Variants in MADCAM1 observed in about 807,000 individuals in gnomAD.
MADCAM1 encodes the protein mucosal addressin cell adhesion molecule 1.
MADCAM1 carries 19 observed loss-of-function variants against 26.1 expected under a neutral mutation model. That is an observed-to-expected ratio of 0.73 (90% CI 0.51 to 1.07). MADCAM1 has a LOEUF of 1.07. Ranked by LOEUF, MADCAM1 falls within the 50% of genes least tolerant of loss-of-function variation. The probability of loss-of-function intolerance (pLI) is 0.00; values close to 1 mark genes in which losing one functional copy is unlikely to be tolerated. For synonymous variants in MADCAM1, 268 were observed against 260.9 expected (o/e 1.03, Z -0.26); for missense variants, 514 against 542.1 (o/e 0.95, Z 0.51).
rs1978293785 is a variant in MADCAM1 at position 498,008 on chromosome 19, C to T, written c.228C>T (p.Arg76=). 6.6e-7 allele frequency: 1 copy of T among 1,504,890 alleles called. No individual in the cohort carries two copies. Among genetic ancestry groups the T allele is most frequent in the Non-Finnish European group, 8.8e-7 (1 of 1,132,970 alleles). The allele number at this position is 1,504,890 out of a possible 1,614,324, so 93.2% of individuals were successfully genotyped here. A position where few individuals can be genotyped will look rare whatever the true frequency, so the allele number is the denominator to read the frequency against. Residue 76 remains arginine (R), a synonymous_variant, in exon 2 of 5, where the codon CGC becomes CGT. Coordinates refer to ENST00000215637, the MANE Select transcript of MADCAM1 (RefSeq NM_130760.3). ...GCGCGGTGCAGTCGGACACGGGCCG[C>T]AGCGTCCTCACCGTGCGCAACGCCT... is the stretch of plus-strand genomic sequence containing the variant. ...SLGAVQSDTG[R]SVLTVRNASL...
At chr19:500,387 G>T (rs1978315359) in intron 3 of MADCAM1, among the ~76,000 whole-genome samples, 1 of 152,208 alleles carries the variant, frequency 6.6e-6, no homozygotes, top group Admixed American at 6.5e-5. Flanking sequence ...GGACTTCCCT[G>T]ACTGTGGGTC....
At chr19:496,670 GGGGGCCCA>G in intron 1 of MADCAM1, 119 bp downstream of exon 1, 1 of 436,428 alleles carries the variant, frequency 2.3e-6, no homozygotes, top group Non-Finnish European at 3.1e-6. Flanking sequence ...GGAGAGAGGA[GGGGGCCCA>G]GGAGAGGGGA....
In MADCAM1 at chr19:498,077, G is replaced by C. The variant is rs1978294771; in HGVS notation, c.297G>C (p.Gly99=). Reference sequence around the variant, plus strand: ...CCCGCGTGTGCGTGGGCTCCTGCGGGGGCCGCACCTTCCAGCACACCGTGC... The same window carrying C: ...CCCGCGTGTGCGTGGGCTCCTGCGGCGGCCGCACCTTCCAGCACACCGTGC... ...AGTRVCVGSC[G]GRTFQHTVQL... Residue 99 remains glycine, a synonymous_variant, in exon 2 of 5, where the codon GGG becomes GGC. Coordinates refer to ENST00000215637, the MANE Select transcript of MADCAM1 (RefSeq NM_130760.3). The C allele has an allele frequency of 9.6e-6, 14 of 1,452,704 alleles. No homozygotes were observed. The East Asian group carries it at 3.8e-4, about 40-fold the overall frequency. 90.0% of individuals were successfully genotyped at this position (1,452,704 alleles called of 1,614,324 possible). A position where few individuals can be genotyped will look rare whatever the true frequency, so the allele number is the denominator to read the frequency against.
Position 501,851 on chromosome 19 carries a change from A to C in MADCAM1, c.850A>C (p.Ser284Arg), listed in dbSNP as rs972982882. Residue 284 changes from serine to arginine, a missense_variant, in exon 4 of 5, where the codon AGC becomes CGC. Ser to Arg is a moderately radical substitution (Grantham distance 110). Coordinates refer to ENST00000215637, the MANE Select transcript of MADCAM1 (RefSeq NM_130760.3). Reference protein sequence around the residue: ...PQQGSTHTPRSPGSTRTRRPE... With the variant: ...PQQGSTHTPRRPGSTRTRRPE... ...GCAGGGCTCCACACACACCCCCAGG[A>C]GCCCAGGCTCCACCAGGACTCGCCG... The C allele has an allele frequency of 6.4e-7, 1 of 1,555,554 alleles. No homozygotes were observed. Among genetic ancestry groups the C allele is most frequent in the Non-Finnish European group, 8.7e-7 (1 of 1,150,840 alleles).
intron 3 of MADCAM1, chr19:499,213 G>A (rs1300611428): frequency 1.7e-5 from 8 of 484,324 alleles, no homozygotes; most frequent in African/African-American, 7.8e-5. Context: ...CACACCAGGC[G>A]TGATCCTGCC....
intron 3 of MADCAM1, chr19:499,155 T>G: frequency 1.8e-6 from 1 of 553,848 alleles, no homozygotes; most frequent in Non-Finnish European, 3.4e-6. Flanking sequence ...CCCCTCCTCA[T>G]TCTGCTGCAG....
In MADCAM1 at chr19:505,337, A is replaced by C; in HGVS notation, c.*372A>C. On this transcript the variant is annotated 3_prime_UTR_variant, in exon 5 of 5. Transcript: ENST00000215637. The stretch of plus-strand genomic sequence containing the variant: ...AGGCTTTGGCAAATAAACCTCCTAA[A>C]ATGATACAAACGTGTCAGTTTTCTC... 1 of 193,852 alleles carries C rather than the reference A, an allele frequency of 5.2e-6. No individual in the cohort carries two copies. Among genetic ancestry groups the C allele is most frequent in the Non-Finnish European group, 1.1e-5 (1 of 95,112 alleles). The allele number at this position is 193,852 out of a possible 1,614,324, so 12.0% of individuals were successfully genotyped here. A position where few individuals can be genotyped will look rare whatever the true frequency, so the allele number is the denominator to read the frequency against.
At chr19:497,577 C>T (rs1195434271) in intron 1 of MADCAM1, among the ~76,000 whole-genome samples, 1 of 151,594 alleles carries the variant, frequency 6.6e-6, no homozygotes, top group Non-Finnish European at 1.5e-5. Flanking sequence ...CTCCGCGCGG[C>T]CCCCTGACCC....
At chr19:499,144 C>T in intron 3 of MADCAM1, 1 of 580,986 alleles carries the variant, frequency 1.7e-6, no homozygotes, top group East Asian at 3.9e-5. Flanking sequence ...CACCCTTTCT[C>T]CCCCTCCTCA....
chr19:502,768 T>G (rs1368336031), intron 4 of MADCAM1, among the ~76,000 whole-genome samples: 7 of 152,222 alleles, frequency 4.6e-5, no homozygotes, highest in African/African-American at 1.7e-4. Context: ...GCAGACATAT[T>G]TATCCCTCAC....
chr19:504,796 C>G lies in MADCAM1; in HGVS notation c.980C>G (p.Ala327Gly). 2 of 1,612,762 alleles carry G rather than the reference C, an allele frequency of 1.2e-6. No individual in the cohort carries two copies. Among genetic ancestry groups the G allele is most frequent in the Non-Finnish European group, 8.5e-7 (1 of 1,179,790 alleles). Residue 327 changes from alanine (A) to glycine (G), a missense_variant, in exon 5 of 5, where the codon GCG becomes GGG. Ala to Gly is a moderately conservative substitution (Grantham distance 60). Coordinates refer to ENST00000215637, the MANE Select transcript of MADCAM1 (RefSeq NM_130760.3). ...CCCGCGGCTCTGTGGACCAGCAGTG[C>G]GGTGCTGGGACTGCTGCTCCTGGCC... ...QLPAALWTSS[A>G]VLGLLLLALP...
Position 498,633 on chromosome 19 carries a change from G to GAGGGCC in MADCAM1, c.479_480insCCAGGG (p.Gly160_Ala161insGlnGly). The GAGGGCC allele has an allele frequency of 6.8e-7, 1 of 1,470,418 alleles. No homozygotes were observed. The highest frequency in any genetic ancestry group is 1.4e-5 in the African/African-American group (1 of 69,154). 91.1% of individuals were successfully genotyped at this position (1,470,418 alleles called of 1,614,324 possible). On this transcript the variant is annotated inframe_insertion, in exon 3 of 5. Transcript: ENST00000215637. Reference sequence around the variant, plus strand: ...CCTGCTCGTCGGGGGCCAGGAACTGGAGGGGGCGCAAGCCCTGGGCCCGGA... The same window carrying GAGGGCC: ...CCTGCTCGTCGGGGGCCAGGAACTGGAGGGCCAGGGGGCGCAAGCCCTGGGCCCGGA...
At chr19:502,962 T>C (rs1039054191) in intron 4 of MADCAM1, among the ~76,000 whole-genome samples, 5 of 152,168 alleles carry the variant, frequency 3.3e-5, no homozygotes, top group African/African-American at 1.2e-4. Flanking sequence ...CATTTCCAAA[T>C]AAGGAAGGGG....
In MADCAM1 at chr19:497,987, G is replaced by A. The variant is rs984963975; in HGVS notation, c.207G>A (p.Ala69=). ...GGGGCCTGGACACCAGCCTGGGCGC[G>A]GTGCAGTCGGACACGGGCCGCAGCG... The part of the protein sequence containing the change: ...QWRGLDTSLG[A]VQSDTGRSVL... Residue 69 remains alanine, a synonymous_variant, in exon 2 of 5, where the codon GCG becomes GCA. Coordinates refer to ENST00000215637, the MANE Select transcript of MADCAM1 (RefSeq NM_130760.3). 12 of 1,498,528 alleles carry A rather than the reference G, an allele frequency of 8.0e-6. No homozygotes were observed. The highest frequency in any genetic ancestry group is 2.1e-5 in the Admixed American group (1 of 47,256). 92.8% of individuals were successfully genotyped at this position (1,498,528 alleles called of 1,614,324 possible).
In MADCAM1 at chr19:496,596, G is replaced by A. The variant is rs1487595911; in HGVS notation, c.52+45G>A. The A allele has an allele frequency of 3.3e-6, 4 of 1,198,520 alleles. No homozygotes were observed. The East Asian group carries it at 1.2e-4, about 36-fold the overall frequency. 74.2% of individuals were successfully genotyped at this position (1,198,520 alleles called of 1,614,324 possible). On this transcript the variant is annotated intron_variant, in intron 1 of 4. Coordinates refer to ENST00000215637, the MANE Select transcript of MADCAM1 (RefSeq NM_130760.3). ...CGGGAGAGAGGAGTGAGTTAGGAGGGGGCTCAGGAGAGAGGAGGGGGCTCA... is the reference window on the plus strand; with the variant it reads ...CGGGAGAGAGGAGTGAGTTAGGAGGAGGCTCAGGAGAGAGGAGGGGGCTCA...
At chr19:498,249 T>G in intron 2 of MADCAM1, 132 bp downstream of exon 2, 2 of 997,918 alleles carry the variant, frequency 2.0e-6, no homozygotes, top group Non-Finnish European at 2.6e-6. Flanking sequence ...CGAAGCCAGG[T>G]CCCCGGCCTT....
intron 4 of MADCAM1, among the ~76,000 whole-genome samples, chr19:504,433 T>C (rs1978511722): frequency 6.6e-6 from 1 of 151,748 alleles, no homozygotes; most frequent in Non-Finnish European, 1.5e-5. Flanking sequence ...CCAGCTAACT[T>C]TGTATTTTTA....
rs750554202 is a variant in MADCAM1, at chr19:501,670, C to T, written c.669C>T (p.Val223=). 2.5e-5 allele frequency: 36 copies of T among 1,416,534 alleles called. No individual in the cohort carries two copies. The South Asian group carries it at 4.8e-4, about 19-fold the overall frequency. The allele number at this position is 1,416,534 out of a possible 1,614,324, so 87.7% of individuals were successfully genotyped here. ...LELSHRQAIP[V]LHSPTSPEPP... ...AAAAAACCCTCACTCTGTTTCCAGT[C>T]CTGCACAGCCCGACCTCCCCGGAGC... Residue 223 remains valine (V), a splice_region_variant and synonymous_variant, in exon 4 of 5, where the codon GTC becomes GTT. Coordinates refer to ENST00000215637, the MANE Select transcript of MADCAM1 (RefSeq NM_130760.3).
intron 3 of MADCAM1, 23 bp downstream of exon 3, chr19:498,848 A>T (rs1978301322): frequency 1.6e-6 from 2 of 1,243,272 alleles, no homozygotes; most frequent in African/African-American, 1.8e-5. Flanking sequence ...GGTGCCCTGG[A>T]GACCCACCCG....
Sources: gnomAD v4.1 joint callset for allele counts (sites outside exome capture counted in the v4.1 genomes callset) on GRCh38, gnomAD v4.1.1 for gene constraint, MANE v1.5 for transcripts, NCBI Gene and HGNC (gene_info 2026-07-23, HGNC 2026-07-21) for gene names.